Variants in DMD observed in about 807,000 individuals in gnomAD.
The protein encoded by DMD is dystrophin, also known as mutant dystrophin.
A neutral mutation model predicts 330.1 loss-of-function variants in DMD; 63 were observed. The ratio of observed to expected loss-of-function variants is 0.19; its 90% CI spans 0.16 to 0.24. DMD has a LOEUF of 0.24. Among genes scored for constraint, DMD ranks in the 10% least tolerant of loss-of-function variants. The probability of loss-of-function intolerance (pLI) is 1.00; values close to 1 mark genes in which losing one functional copy is unlikely to be tolerated. For synonymous variants in DMD, 1,223 were observed against 959.8 expected (o/e 1.27, Z -5.07); for missense variants, 3,344 against 2,684.1 (o/e 1.25, Z -5.43).
intron 47 of DMD, among the ~76,000 whole-genome samples, chrX:31,890,485 T>A (rs1166394066): frequency 1.8e-5 from 2 of 111,609 alleles, no homozygotes; most frequent in Non-Finnish European, 3.8e-5. Flanking sequence ...TTAGTTGCAC[T>A]TACCACATTT....
intron 27 of DMD, among the ~76,000 whole-genome samples, chrX:32,441,850 C>CT (rs1293372959): frequency 3.6e-5 from 4 of 111,051 alleles, no homozygotes; most frequent in African/African-American, 1.3e-4. Context: ...TAGCAATTTC[C>CT]TTTTTTTAGA....
chrX:31,193,398 A>G (rs2042577256), intron 67 of DMD, among the ~76,000 whole-genome samples: 1 of 112,072 alleles, frequency 8.9e-6, no homozygotes. Context: ...TACACTCAGA[A>G]CCACCTTGGA....
intron 7 of DMD, among the ~76,000 whole-genome samples, chrX:32,807,407 G>A (rs926059890): frequency 1.8e-5 from 2 of 111,331 alleles, no homozygotes; most frequent in African/African-American, 6.5e-5. Context: ...AGGCTTTACA[G>A]ATATGAGATT....
chrX:31,473,103 TC>T (rs1569545573), intron 59 of DMD, among the ~76,000 whole-genome samples: 1 of 110,156 alleles, frequency 9.1e-6, no homozygotes, highest in Non-Finnish European at 1.9e-5. Flanking sequence ...ACGCCTGTAA[TC>T]CCAGCACTTT....
rs572436453 is a variant in DMD at position 31,965,154 on chromosome X, T to A, written c.6614+3185A>T. Among the ~76,000 whole-genome samples the A allele has an allele frequency of 2.3e-3, 258 of 111,439 alleles. 1 individual carries two copies. Among genetic ancestry groups the A allele is most frequent in the African/African-American group, 7.8e-3 (241 of 30,706 alleles). Reference sequence around the variant, plus strand: ...GCCTGGCTCCCCAGAACCCCTCGACTGGTATGTCTTCTCCTAGAATACTCC... The same window carrying A: ...GCCTGGCTCCCCAGAACCCCTCGACAGGTATGTCTTCTCCTAGAATACTCC... On this transcript the variant is annotated intron_variant, in intron 45 of 78. Coordinates refer to ENST00000357033, the MANE Select transcript of DMD (RefSeq NM_004006.3).
rs141890485 is a variant in DMD, at chrX:32,457,129, C to G, written c.3433-2297G>C. ...AAATTTAGTGGTCAGGGCAATAGAA[C>G]CACCAAGGATATTGACAGTGGTCAG... On this transcript the variant is annotated intron_variant, in intron 25 of 78. Transcript: ENST00000357033. 9.4e-3 allele frequency among the ~76,000 whole-genome samples: 1,023 copies of G among 108,689 alleles called. 9 individuals carry two copies. The highest frequency in any genetic ancestry group is 0.016 in the Non-Finnish European group (814 of 52,097). 94.4% of individuals were successfully genotyped at this position (108,689 alleles called of 115,157 possible).
chrX:32,992,728 G>A (rs978832662), intron 2 of DMD, among the ~76,000 whole-genome samples: 6 of 109,821 alleles, frequency 5.5e-5, no homozygotes, highest in Admixed American at 2.0e-4. Context: ...TCAACATGGT[G>A]AAACCCCGTC....
At position 32,803,903 on chromosome X, in the gene DMD, T is replaced by A. The variant is rs745411586; in HGVS notation, c.649+5590A>T. Among the ~76,000 whole-genome samples the A allele has an allele frequency of 7.1e-5, 8 of 112,133 alleles. No homozygotes were observed. The South Asian group carries it at 3.0e-3, about 42-fold the overall frequency. On this transcript the variant is annotated intron_variant, in intron 7 of 78. Coordinates refer to ENST00000357033, the MANE Select transcript of DMD (RefSeq NM_004006.3). ...GTCGTCAATTTTAGAATAAGTGCAATGTGGTGCTGAGAAGAATGTATATTC... is the reference window on the plus strand; with the variant it reads ...GTCGTCAATTTTAGAATAAGTGCAAAGTGGTGCTGAGAAGAATGTATATTC...
intron 17 of DMD, among the ~76,000 whole-genome samples, chrX:32,535,063 C>T (rs2047829275): frequency 9.0e-6 from 1 of 111,468 alleles, no homozygotes; most frequent in Non-Finnish European, 1.9e-5. Context: ...GGAAAGGAGA[C>T]ATTGTTTTTT....
intron 54 of DMD, among the ~76,000 whole-genome samples, chrX:31,628,991 A>T (rs1238940651): frequency 9.4e-6 from 1 of 106,323 alleles, no homozygotes; most frequent in Admixed American, 1.0e-4. Context: ...GCAAATATCT[A>T]TATAATAATA....
In DMD at chrX:31,478,482, C is replaced by T. The variant is rs2067994789; in HGVS notation, c.8669-108G>A. ...GAGTACAGTTGAACAAGAGGGTAACCTACTGATTAACGGCTTTTTTATACT... is the reference window on the plus strand; with the variant it reads ...GAGTACAGTTGAACAAGAGGGTAACTTACTGATTAACGGCTTTTTTATACT... On this transcript the variant is annotated intron_variant, in intron 58 of 78. Transcript: ENST00000357033. The T allele has an allele frequency of 5.7e-6, 6 of 1,053,371 alleles. No homozygotes were observed. The South Asian group carries it at 1.2e-4, about 21-fold the overall frequency. 86.8% of individuals were successfully genotyped at this position (1,053,371 alleles called of 1,213,427 possible). A position where few individuals can be genotyped will look rare whatever the true frequency, so the allele number is the denominator to read the frequency against.
intron 1 of DMD, among the ~76,000 whole-genome samples, chrX:33,117,369 T>TA (rs771948041): frequency 9.0e-6 from 1 of 111,201 alleles, no homozygotes; most frequent in East Asian, 2.8e-4. Flanking sequence ...GTTCTCATCA[T>TA]AAAAAATTAT....
chrX:32,155,707 C>T (rs1373816853), intron 44 of DMD, among the ~76,000 whole-genome samples: 2 of 111,318 alleles, frequency 1.8e-5, no homozygotes, highest in Non-Finnish European at 3.8e-5. Flanking sequence ...CGGTAACAAA[C>T]CAGAGACCTG....
At chrX:32,322,663 G>T (rs1272949770) in intron 41 of DMD, among the ~76,000 whole-genome samples, 1 of 111,491 alleles carries the variant, frequency 9.0e-6, no homozygotes, top group Non-Finnish European at 1.9e-5. Flanking sequence ...CAATAGATGG[G>T]ACAGACAGCA....
intron 1 of DMD, among the ~76,000 whole-genome samples, chrX:33,256,961 C>T (rs1270987127): frequency 9.0e-6 from 1 of 110,611 alleles, no homozygotes; most frequent in Non-Finnish European, 1.9e-5. Flanking sequence ...CGGAGTAACA[C>T]ATCTTGAACA....
intron 41 of DMD, among the ~76,000 whole-genome samples, chrX:32,312,941 C>CAAAAAAAAAAAAAAAAAAAAAAAAAAAAA (rs1171543953): frequency 3.1e-4 from 6 of 19,199 alleles, no homozygotes; most frequent in Non-Finnish European, 5.4e-4. Flanking sequence ...AGCCTACGAA[C>CAAAAAAAAAAAAAAAAAAAAAAAAAAAAA]CAAAAAAAAA....
At chrX:32,985,752 A>G (rs1461416227) in intron 2 of DMD, among the ~76,000 whole-genome samples, 2 of 111,659 alleles carry the variant, frequency 1.8e-5, no homozygotes, top group African/African-American at 6.5e-5. Flanking sequence ...TGCCAACACC[A>G]CAGTTGGGGG....
intron 21 of DMD, 59 bp from the exon 22 acceptor site, chrX:32,472,368 T>A (rs2040749937): frequency 8.8e-7 from 1 of 1,133,833 alleles, no homozygotes; most frequent in African/African-American, 1.8e-5. Context: ...TTTGCCATGT[T>A]TTCCTAAATT....
chrX:31,801,167 A>T (rs1328853308), intron 50 of DMD, among the ~76,000 whole-genome samples: 1 of 111,959 alleles, frequency 8.9e-6, no homozygotes, highest in Non-Finnish European at 1.9e-5. Context: ...TAATAGACTC[A>T]CAGTTCCGCA....
Sources: gnomAD v4.1 joint callset for allele counts (sites outside exome capture counted in the v4.1 genomes callset) on GRCh38, gnomAD v4.1.1 for gene constraint, MANE v1.5 for transcripts, NCBI Gene and HGNC (gene_info 2026-07-23, HGNC 2026-07-21) for gene names.